PDE7A: variants seen among roughly 807,000 people sequenced by gnomAD.
The protein encoded by PDE7A is phosphodiesterase 7A, also known as high affinity 3',5'-cyclic-AMP phosphodiesterase 7A.
Under a neutral mutation model 64.3 loss-of-function variants are expected in PDE7A, and 39 were observed. The observed-to-expected ratio is 0.61, with a 90% CI of 0.47 to 0.79. The LOEUF (loss-of-function observed/expected upper bound fraction) is 0.79. PDE7A is among the 30% of genes least tolerant of loss of function. PDE7A has a pLI of 0.00. For synonymous variants in PDE7A, 203 were observed against 206.8 expected (o/e 0.98, Z 0.16); for missense variants, 470 against 582.8 (o/e 0.81, Z 1.99).
chr8:65,796,951 G>GTT (rs758126484), intron 1 of PDE7A, among the ~76,000 whole-genome samples: 1 of 152,002 alleles, frequency 6.6e-6, no homozygotes, highest in Non-Finnish European at 1.5e-5. Context: ...CCCTACAAAA[G>GTT]AGCTACTGGA....
At chr8:65,719,603 G>T (rs1247377613) in intron 12 of PDE7A, 108 bp from the exon 13 acceptor site, 2 of 709,416 alleles carry the variant, frequency 2.8e-6, no homozygotes, top group Non-Finnish European at 4.8e-6. Context: ...GTATTACCCA[G>T]ATCTTATTCT....
chr8:65,840,634 A>G (rs1811058024), intron 1 of PDE7A, among the ~76,000 whole-genome samples: 1 of 152,202 alleles, frequency 6.6e-6, no homozygotes, highest in Non-Finnish European at 1.5e-5. Context: ...AATTAGCCAA[A>G]CCTAAGGAAT....
chr8:65,721,368 T>TCACTG (rs1806370690), intron 12 of PDE7A, among the ~76,000 whole-genome samples: 1 of 152,234 alleles, frequency 6.6e-6, no homozygotes, highest in Admixed American at 6.5e-5. Context: ...GGAGTAGTAA[T>TCACTG]CACTGCTTGG....
intron 4 of PDE7A, among the ~76,000 whole-genome samples, chr8:65,745,677 TTTTG>T (rs1398027443): frequency 4.6e-5 from 7 of 152,240 alleles, no homozygotes; most frequent in East Asian, 1.9e-4. Context: ...TGAAACATTA[TTTTG>T]TTTTTCAATT....
intron 6 of PDE7A, among the ~76,000 whole-genome samples, chr8:65,738,738 T>C (rs1469658956): frequency 1.3e-5 from 2 of 152,138 alleles, no homozygotes; most frequent in Non-Finnish European, 2.9e-5. Context: ...TGGCCCCAAA[T>C]AATCTTTAAA....
chr8:65,798,206 A>ATATATATTTTTTTTTT, intron 1 of PDE7A, among the ~76,000 whole-genome samples: 2 of 73,834 alleles, frequency 2.7e-5, no homozygotes, highest in South Asian at 4.5e-4. Context: ...ATATATATAT[A>ATATATATTTTTTTTTT]TTTTTTTTTT....
In PDE7A at chr8:65,716,798, A is replaced by G. The variant is rs895352159; in HGVS notation, c.*2492T>C. On this transcript the variant is annotated 3_prime_UTR_variant, in exon 13 of 13. Transcript: ENST00000401827. ...GTGGGCCTGAATTTTTAAGGATCTG[A>G]GTTATCAGACTTTCTGTACACATTA... Among the ~76,000 whole-genome samples the G allele has an allele frequency of 3.4e-5, 5 of 145,502 alleles. No homozygotes were observed. Among genetic ancestry groups the G allele is most frequent in the Non-Finnish European group, 7.8e-5 (5 of 63,974 alleles).
chr8:65,719,776 T>C (rs1806296641), intron 12 of PDE7A: 1 of 405,296 alleles, frequency 2.5e-6, no homozygotes, highest in Non-Finnish European at 4.6e-6. Flanking sequence ...AACTACATTC[T>C]TCTACTTAAG....
At chr8:65,759,102 C>T (rs960323283) in intron 3 of PDE7A, among the ~76,000 whole-genome samples, 1 of 152,228 alleles carries the variant, frequency 6.6e-6, no homozygotes, top group African/African-American at 2.4e-5. Flanking sequence ...CACGGGGATA[C>T]TTGCTTGCAT....
chr8:65,776,679 T>C (rs1408125149), intron 3 of PDE7A, among the ~76,000 whole-genome samples: 1 of 152,214 alleles, frequency 6.6e-6, no homozygotes, highest in African/African-American at 2.4e-5. Context: ...AAATTATATA[T>C]TATGTTAATT....
intron 5 of PDE7A, among the ~76,000 whole-genome samples, chr8:65,740,115 T>A: frequency 7.1e-6 from 1 of 141,088 alleles, no homozygotes; most frequent in Non-Finnish European, 1.5e-5. Context: ...TTAAAAACTC[T>A]GAACTCAGCC....
chr8:65,760,956 A>C (rs569486239), intron 3 of PDE7A, among the ~76,000 whole-genome samples: 1 of 152,372 alleles, frequency 6.6e-6, no homozygotes, highest in East Asian at 1.9e-4. Context: ...ACTGGGAACA[A>C]GAGTGACTAT....
At chr8:65,834,864 C>A (rs1443033911) in intron 1 of PDE7A, among the ~76,000 whole-genome samples, 1 of 152,150 alleles carries the variant, frequency 6.6e-6, no homozygotes, top group African/African-American at 2.4e-5. Flanking sequence ...AAGGAACCTA[C>A]CAGCAGCCAA....
intron 7 of PDE7A, among the ~76,000 whole-genome samples, chr8:65,733,374 A>C (rs1806983971): frequency 6.6e-6 from 1 of 152,166 alleles, no homozygotes; most frequent in Non-Finnish European, 1.5e-5. Flanking sequence ...TCCACTTACC[A>C]GATTGTATGG....
At chr8:65,724,679 T>G (rs570490983) in intron 10 of PDE7A, 98 bp downstream of exon 10, 1 of 1,074,508 alleles carries the variant, frequency 9.3e-7, no homozygotes. Flanking sequence ...GCCCTCAAGA[T>G]TTAACCATTC....
chr8:65,797,611 A>G (rs190507538), intron 1 of PDE7A, among the ~76,000 whole-genome samples: 1 of 152,296 alleles, frequency 6.6e-6, no homozygotes, highest in East Asian at 1.9e-4. Context: ...TTACTAATAC[A>G]TATGTTTACG....
chr8:65,803,661 T>G (rs1249917007), intron 1 of PDE7A, among the ~76,000 whole-genome samples: 1 of 152,244 alleles, frequency 6.6e-6, no homozygotes, highest in Non-Finnish European at 1.5e-5. Flanking sequence ...TCTTCTGGTA[T>G]CCACTGAGAA....
chr8:65,814,313 C>T lies in PDE7A; in HGVS notation c.138+27058G>A, dbSNP rs554430569. On this transcript the variant is annotated intron_variant, in intron 1 of 12. Coordinates refer to ENST00000401827, the MANE Select transcript of PDE7A (RefSeq NM_001242318.3). Reference sequence around the variant, plus strand: ...GATCACGAGGTCAGGAGATCGAGACCATCCCGGCTAAAACGGTGAAACCCC... The same window carrying T: ...GATCACGAGGTCAGGAGATCGAGACTATCCCGGCTAAAACGGTGAAACCCC... 1.3e-4 allele frequency among the ~76,000 whole-genome samples: 19 copies of T among 151,446 alleles called. No homozygotes were observed. The South Asian group carries it at 3.8e-3, about 30-fold the overall frequency.
chr8:65,772,529 A>G (rs187791539), intron 3 of PDE7A, among the ~76,000 whole-genome samples: 28 of 152,354 alleles, frequency 1.8e-4, no homozygotes, highest in African/African-American at 6.5e-4. Context: ...GAAGAGGGGT[A>G]AAAAAGGACA....
Sources: gnomAD v4.1 joint callset for allele counts (sites outside exome capture counted in the v4.1 genomes callset) on GRCh38, gnomAD v4.1.1 for gene constraint, MANE v1.5 for transcripts, NCBI Gene and HGNC (gene_info 2026-07-23, HGNC 2026-07-21) for gene names.